MSH6: variants seen among roughly 807,000 people sequenced by gnomAD.
The protein encoded by MSH6 is DNA mismatch repair protein Msh6.
Under a neutral mutation model 119.1 loss-of-function variants are expected in MSH6, and 85 were observed. That is an observed-to-expected ratio of 0.71 (90% CI 0.60 to 0.85). MSH6 has a LOEUF of 0.85. Ranked by LOEUF, MSH6 falls within the 40% of genes least tolerant of loss-of-function variation. The pLI, the probability that MSH6 is intolerant of heterozygous loss-of-function variation, is 0.00. For missense variants in MSH6, 2,163 were observed against 1,655.3 expected, an observed-to-expected ratio of 1.31 and a Z score of -5.32; for synonymous variants, 830 against 586.9, an observed-to-expected ratio of 1.41 and a Z score of -5.99.
chr2:47,795,910 A>G lies in MSH6; in HGVS notation c.474A>G (p.Glu158=), dbSNP rs878853747. Residue 158 remains glutamate, a synonymous_variant, in exon 3 of 10, where the codon GAA becomes GAG. Coordinates refer to ENST00000234420, the MANE Select transcript of MSH6 (RefSeq NM_000179.3). ...TCTTTCTAGGTTCAAAATCAAAGGA[A>G]GCCCAGAAGGGAGGTCATTTTTACA... The part of the protein sequence containing the change: ...LKPYTGSKSK[E]AQKGGHFYSA... The G allele has an allele frequency of 6.2e-7, 1 of 1,614,162 alleles. No homozygotes were observed.
At chr2:47,786,481 C>G (rs1668355288) in intron 1 of MSH6, among the ~76,000 whole-genome samples, 1 of 150,136 alleles carries the variant, frequency 6.7e-6, no homozygotes, top group Non-Finnish European at 1.5e-5. Context: ...ATTACAGGTG[C>G]CTGCCACCAC....
At chr2:47,806,678 T>C (rs763851018) in intron 9 of MSH6, 27 bp downstream of exon 9, 4 of 1,596,988 alleles carry the variant, frequency 2.5e-6, no homozygotes, top group Non-Finnish European at 3.4e-6. Context: ...AATGGAATTA[T>C]AACTAACTGA....
At chr2:47,807,914 A>G (rs909351697), downstream of MSH6, 2 of 523,844 alleles carry the variant, frequency 3.8e-6, no homozygotes, top group Non-Finnish European at 6.8e-6. Context: ...CAGTAATGCT[A>G]AAACACCCAG....
intron 2 of MSH6, among the ~76,000 whole-genome samples, chr2:47,791,397 C>G (rs1365807291): frequency 1.3e-5 from 2 of 151,976 alleles, no homozygotes; most frequent in Non-Finnish European, 2.9e-5. Context: ...CTAAACTGTC[C>G]CCCCATCTTG....
chr2:47,806,158 T>TTTAA (rs1375158106), intron 7 of MSH6, 46 bp from the exon 8 acceptor site: 24 of 1,492,198 alleles, frequency 1.6e-5, no homozygotes, highest in Non-Finnish European at 2.1e-5. Flanking sequence ...CCTTTTTTGT[T>TTTAA]TTAATTCCTT....
chr2:47,783,866 A>T, intron 1 of MSH6: 3 of 860,098 alleles, frequency 3.5e-6, no homozygotes, highest in Non-Finnish European at 4.0e-6. Context: ...GGGTGGGGCG[A>T]GAAGGGGAAG....
At position 47,799,100 on chromosome 2, in the gene MSH6, C is replaced by T. The variant is rs1060502915; in HGVS notation, c.1117C>T (p.Leu373Phe). The T allele has an allele frequency of 1.9e-6, 3 of 1,613,954 alleles. No homozygotes were observed. The highest frequency in any genetic ancestry group is 1.3e-5 in the African/African-American group (1 of 74,880). Residue 373 changes from leucine to phenylalanine, a missense_variant, in exon 4 of 10, where the codon CTT becomes TTT. Leu to Phe is a conservative substitution (Grantham distance 22). Coordinates refer to ENST00000234420, the MANE Select transcript of MSH6 (RefSeq NM_000179.3). ...TTGGTATCATGAAACTTTAGAATGG[C>T]TTAAGGAGGAAAAGAGAAGAGATGA... ...TVWYHETLEW[L>F]KEEKRRDEHR...
At chr2:47,783,878 C>A in intron 1 of MSH6, 1 of 961,388 alleles carries the variant, frequency 1.0e-6, no homozygotes, top group Middle Eastern at 5.1e-4. Flanking sequence ...AAGGGGAAGG[C>A]GCCCGGCCCA....
chr2:47,799,609 C>T lies in MSH6; in HGVS notation c.1626C>T (p.Leu542=). 2 of 1,614,028 alleles carry T rather than the reference C, an allele frequency of 1.2e-6. No individual in the cohort carries two copies. The highest frequency in any genetic ancestry group is 2.2e-5 in the East Asian group (1 of 44,878). ...ACTACAGTAAGTATCTTCTTAGCCT[C>T]AAAGAAAAAGAGGAAGATTCTTCTG... ...SENYSKYLLS[L]KEKEEDSSGH... Residue 542 remains leucine (L), a synonymous_variant, in exon 4 of 10, where the codon CTC becomes CTT. Coordinates refer to ENST00000234420, the MANE Select transcript of MSH6 (RefSeq NM_000179.3).
downstream of MSH6, chr2:47,808,302 AAT>A: frequency 6.2e-7 from 1 of 1,612,514 alleles, no homozygotes; most frequent in Non-Finnish European, 8.5e-7. Context: ...GTAATTGGGT[AAT>A]ATATCAAGCA....
intron 1 of MSH6, among the ~76,000 whole-genome samples, chr2:47,788,295 C>G (rs1481138126): frequency 7.4e-6 from 1 of 135,312 alleles, no homozygotes; most frequent in Non-Finnish European, 1.5e-5. Context: ...CGCCCTGTCA[C>G]CCAGGCTGGA....
chr2:47,797,966 G>A (rs528849842), intron 3 of MSH6: 37 of 204,428 alleles, frequency 1.8e-4, no homozygotes, highest in African/African-American at 7.7e-4. Flanking sequence ...AGCCAGAGTC[G>A]ACTTACCCCC....
downstream of MSH6, chr2:47,809,798 T>C: frequency 1.3e-6 from 1 of 788,164 alleles, no homozygotes; most frequent in South Asian, 1.6e-5. Context: ...CTGCTTCTTT[T>C]ATAGAAGTAC....
At chr2:47,789,420 T>A in intron 1 of MSH6, 1 of 470,030 alleles carries the variant, frequency 2.1e-6, no homozygotes, top group Non-Finnish European at 4.4e-6. Flanking sequence ...TTTTTTTTCC[T>A]AGTGAGGATG....
intron 3 of MSH6, 31 bp downstream of exon 3, chr2:47,796,094 T>G (rs773305907): frequency 6.2e-7 from 1 of 1,612,354 alleles, no homozygotes; most frequent in Non-Finnish European, 8.5e-7. Context: ...AGTTGTTATT[T>G]ATGTTAGGGT....
rs1553413086 is a variant in MSH6, at chr2:47,799,690, C to T, written c.1707C>T (p.Phe569=). 1 of 1,614,052 alleles carries T rather than the reference C, an allele frequency of 6.2e-7. No individual in the cohort carries two copies. Among genetic ancestry groups the T allele is most frequent in the African/African-American group, 1.3e-5 (1 of 74,926 alleles). Reference sequence around the variant, plus strand: ...TTGATACTTCACTGGGAAAGTTTTTCATAGGTCAGTTTTCAGATGATCGCC... The same window carrying T: ...TTGATACTTCACTGGGAAAGTTTTTTATAGGTCAGTTTTCAGATGATCGCC... ...CFVDTSLGKF[F]IGQFSDDRHC... Residue 569 remains phenylalanine (F), a synonymous_variant, in exon 4 of 10, where the codon TTC becomes TTT. Coordinates refer to ENST00000234420, the MANE Select transcript of MSH6 (RefSeq NM_000179.3).
intron 1 of MSH6, among the ~76,000 whole-genome samples, chr2:47,787,019 G>A (rs957555808): frequency 1.3e-5 from 2 of 152,154 alleles, no homozygotes; most frequent in African/African-American, 4.8e-5. Flanking sequence ...GTTTCTATAG[G>A]TTTTATTTAA....
intron 1 of MSH6, among the ~76,000 whole-genome samples, chr2:47,788,947 T>TTTTTTTTTTA (rs1668560941): frequency 8.6e-6 from 1 of 116,180 alleles, no homozygotes; most frequent in African/African-American, 3.3e-5. Context: ...TTTTTTTTTT[T>TTTTTTTTTTA]GTGAGACGGA....
chr2:47,798,737 T>G lies in MSH6; in HGVS notation c.754T>G (p.Ser252Ala), dbSNP rs746623981. Reference protein sequence around the residue: ...SRQIKKRRVISDSESDIGGSD... With the variant: ...SRQIKKRRVIADSESDIGGSD... ...CCAAATAAAAAAACGAAGGGTCATA[T>G]CAGATTCTGAGAGTGACATTGGTGG... Residue 252 changes from serine (S) to alanine (A), a missense_variant, in exon 4 of 10, where the codon TCA becomes GCA. Transcript: ENST00000234420. The G allele has an allele frequency of 3.1e-6, 5 of 1,613,970 alleles. No individual in the cohort carries two copies. In the East Asian group the frequency reaches 6.7e-5, roughly 22 times the overall value.
Sources: allele counts gnomAD v4.1 joint callset (sites outside exome capture counted in the v4.1 genomes callset), GRCh38; gene constraint gnomAD v4.1.1; transcripts MANE v1.5; gene names NCBI Gene and HGNC (gene_info 2026-07-23, HGNC 2026-07-21).